The following PMFBP1 variants were observed in gnomAD, a reference collection of about 807,000 sequenced individuals.
PMFBP1 encodes the protein polyamine modulated factor 1 binding protein 1, also known as polyamine-modulated factor 1-binding protein 1.
Under a neutral mutation model 137.8 loss-of-function variants are expected in PMFBP1, and 131 were observed. The ratio of observed to expected loss-of-function variants is 0.95; its 90% CI spans 0.82 to 1.10. The LOEUF (loss-of-function observed/expected upper bound fraction) is 1.10. Among genes scored for constraint, PMFBP1 ranks in the 50% least tolerant of loss-of-function variants. The pLI is 0.00. For missense variants in PMFBP1, 1,199 were observed against 1,175.4 expected (o/e 1.02, Z -0.29); for synonymous variants, 490 against 450.4 (o/e 1.09, Z -1.11).
At chr16:72,180,818 G>A (rs2043273571), upstream of PMFBP1, among the ~76,000 whole-genome samples, 1 of 152,228 alleles carries the variant, frequency 6.6e-6, no homozygotes, top group Non-Finnish European at 1.5e-5. Context: ...GGCAATGAGG[G>A]AGGAAACCCC....
At chr16:72,184,713 C>T in the PMFBP1 span, among the ~76,000 whole-genome samples, 13,965 of 152,194 alleles carry the variant, frequency 0.092, 2,088 homozygotes, top group African/African-American at 0.32. Context: ...AAGGAACTGC[C>T]GTCTACTTCA....
chr16:72,240,302 A>T, the PMFBP1 span, among the ~76,000 whole-genome samples: 4 of 152,260 alleles, frequency 2.6e-5, no homozygotes, highest in Admixed American at 2.6e-4. Context: ...CAACGACTAC[A>T]TACTTGAATA....
chr16:72,120,345 T>A (rs966963511), intron 19 of PMFBP1, among the ~76,000 whole-genome samples: 1 of 152,162 alleles, frequency 6.6e-6, no homozygotes, highest in East Asian at 1.9e-4. Context: ...TGTTTTCTTA[T>A]CTGTCAGACG....
At chr16:72,195,071 C>T in the PMFBP1 span, among the ~76,000 whole-genome samples, 4 of 152,192 alleles carry the variant, frequency 2.6e-5, no homozygotes, top group African/African-American at 7.2e-5. Flanking sequence ...GCTTGCTGTT[C>T]GGGTCTCCCT....
the PMFBP1 span, among the ~76,000 whole-genome samples, chr16:72,222,219 T>C: frequency 6.6e-6 from 1 of 152,104 alleles, no homozygotes; most frequent in Admixed American, 6.5e-5. Context: ...GGGACCTTCC[T>C]GCCTCACCTT....
At chr16:72,154,562 A>T (rs2042954425) in intron 3 of PMFBP1, 103 bp from the exon 4 acceptor site, 2 of 1,317,206 alleles carry the variant, frequency 1.5e-6, no homozygotes, top group Admixed American at 4.6e-5. Context: ...ACATCCATCT[A>T]TCCATCTTTT....
the PMFBP1 span, among the ~76,000 whole-genome samples, chr16:72,229,216 G>A: frequency 6.6e-6 from 1 of 152,036 alleles, no homozygotes; most frequent in African/African-American, 2.4e-5. Flanking sequence ...AATATTCCAT[G>A]GTATATATGT....
chr16:72,183,214 T>G, the PMFBP1 span, among the ~76,000 whole-genome samples: 48,606 of 152,070 alleles, frequency 0.32, 9,057 homozygotes, highest in African/African-American at 0.53. Flanking sequence ...GCATGCCATC[T>G]GCTTCCTGGT....
chr16:72,236,431 G>A, the PMFBP1 span, among the ~76,000 whole-genome samples: 3 of 152,172 alleles, frequency 2.0e-5, no homozygotes, highest in African/African-American at 7.2e-5. Flanking sequence ...TTGCTAGTTT[G>A]TAAGTGGGAT....
chr16:72,155,827 C>T (rs1348051654), intron 3 of PMFBP1, among the ~76,000 whole-genome samples: 1 of 152,106 alleles, frequency 6.6e-6, no homozygotes, highest in South Asian at 2.1e-4. Flanking sequence ...ATCAACCCCC[C>T]ACGTTTCCTC....
the PMFBP1 span, among the ~76,000 whole-genome samples, chr16:72,203,339 G>A: frequency 6.6e-6 from 1 of 152,226 alleles, no homozygotes; most frequent in Non-Finnish European, 1.5e-5. Context: ...CCACTGGTGG[G>A]TAAGAGGGTG....
chr16:72,221,741 G>C, the PMFBP1 span, among the ~76,000 whole-genome samples: 1 of 152,198 alleles, frequency 6.6e-6, no homozygotes, highest in East Asian at 1.9e-4. Context: ...ACACATCTTA[G>C]TAAAGCTGGC....
Position 72,132,757 on chromosome 16 carries a change from T to C in PMFBP1, c.1438A>G (p.Arg480Gly), listed in dbSNP as rs117057368. 2 of 1,614,104 alleles carry C rather than the reference T, an allele frequency of 1.2e-6. No individual in the cohort carries two copies. Among genetic ancestry groups the C allele is most frequent in the East Asian group, 4.5e-5 (2 of 44,872 alleles). Reference sequence around the variant, plus strand: ...CCTGCAGGGGCCTCACCAGCCAGCCTCTCCTGCTGCTTGGCCTCTTCGAGA... The same window carrying C: ...CCTGCAGGGGCCTCACCAGCCAGCCCCTCCTGCTGCTTGGCCTCTTCGAGA... ...NSLEEAKQQE[R>G]LAAQQAAQCK... The change falls in exon 10 of 21, where the codon AGG (arginine) becomes GGG (glycine). Residue 480 changes from arginine (R) to glycine (G), a missense_variant. Physicochemically the swap from Arg to Gly is moderately radical, Grantham distance 125 (BLOSUM62 -2). Coordinates refer to ENST00000237353, the MANE Select transcript of PMFBP1 (RefSeq NM_031293.3).
intron 5 of PMFBP1, among the ~76,000 whole-genome samples, chr16:72,149,877 T>C (rs2042875083): frequency 6.6e-6 from 1 of 152,152 alleles, no homozygotes; most frequent in Non-Finnish European, 1.5e-5. Flanking sequence ...CATTTATATA[T>C]GTAACTGTAT....
chr16:72,154,115 C>T, intron 4 of PMFBP1, 96 bp downstream of exon 4: 2 of 1,476,810 alleles, frequency 1.4e-6, no homozygotes, highest in South Asian at 2.6e-5. Context: ...TGTTGCAAAG[C>T]TCTCCTAAGT....
At chr16:72,201,947 G>A in the PMFBP1 span, among the ~76,000 whole-genome samples, 2 of 152,176 alleles carry the variant, frequency 1.3e-5, no homozygotes, top group Non-Finnish European at 2.9e-5. Flanking sequence ...TGAAGTAACT[G>A]TCCCATCCTG....
chr16:72,173,518 T>A (rs1354479951), upstream of PMFBP1, among the ~76,000 whole-genome samples: 1 of 152,062 alleles, frequency 6.6e-6, no homozygotes, highest in Non-Finnish European at 1.5e-5. Context: ...TGCATGAAAA[T>A]ATATTGAAAT....
the PMFBP1 span, among the ~76,000 whole-genome samples, chr16:72,235,168 A>G: frequency 1.3e-5 from 2 of 151,914 alleles, no homozygotes. Context: ...TTATAGTTTT[A>G]TTTCTTACAT....
At chr16:72,168,678 T>G (rs2043180418) in intron 2 of PMFBP1, among the ~76,000 whole-genome samples, 4 of 152,148 alleles carry the variant, frequency 2.6e-5, no homozygotes, top group Admixed American at 2.6e-4. Context: ...TGAGTTTTCA[T>G]TTACATAAGT....
Sources: gnomAD v4.1 joint callset for allele counts (sites outside exome capture counted in the v4.1 genomes callset) on GRCh38, gnomAD v4.1.1 for gene constraint, MANE v1.5 for transcripts, NCBI Gene and HGNC (gene_info 2026-07-23, HGNC 2026-07-21) for gene names.